The following PCLO variants were observed in gnomAD, a reference collection of about 807,000 sequenced individuals.
PCLO encodes protein piccolo.
PCLO carries 82 observed loss-of-function variants against 427.5 expected under a neutral mutation model. That is an observed-to-expected ratio of 0.19 (90% CI 0.16 to 0.23). PCLO has a LOEUF of 0.23. Among genes scored for constraint, PCLO ranks in the 10% least tolerant of loss-of-function variants. The probability of loss-of-function intolerance (pLI) is 1.00; values close to 1 mark genes in which losing one functional copy is unlikely to be tolerated. For synonymous variants in PCLO, 2,357 were observed against 2,155.4 expected (o/e 1.09, Z -2.59); for missense variants, 6,239 against 6,115.9 (o/e 1.02, Z -0.67).
chr7:83,084,145 T>C (rs2116409546), intron 3 of PCLO, among the ~76,000 whole-genome samples: 1 of 152,250 alleles, frequency 6.6e-6, no homozygotes, highest in South Asian at 2.1e-4. Flanking sequence ...TGAAAGAAAT[T>C]CATACATGAA....
chr7:82,887,199 G>A (rs960328067), intron 9 of PCLO, among the ~76,000 whole-genome samples: 4 of 152,098 alleles, frequency 2.6e-5, no homozygotes, highest in African/African-American at 9.7e-5. Context: ...CTGCTAAGGA[G>A]GGTTAGAAAC....
chr7:82,779,756 T>G (rs1210303476), intron 22 of PCLO, among the ~76,000 whole-genome samples: 2 of 150,874 alleles, frequency 1.3e-5, no homozygotes, highest in Non-Finnish European at 3.0e-5. Context: ...CTTTTTTTTT[T>G]TTTTAGACAG....
In PCLO at chr7:82,956,060, A is replaced by C. The variant is rs773392120; in HGVS notation, c.4893T>G (p.Asp1631Glu). The C allele has an allele frequency of 2.5e-6, 4 of 1,612,514 alleles. No homozygotes were observed. The highest frequency in any genetic ancestry group is 2.7e-5 in the African/African-American group (2 of 74,898). Residue 1631 changes from aspartate to glutamate, a missense_variant, in exon 5 of 25, where the codon GAT (aspartate) becomes GAG (glutamate). Around this residue, in one of 5 missense-constraint regions of PCLO, gnomAD observed 4,677 missense variants for 4,468.4 expected, o/e 1.05. Transcript: ENST00000333891. ...TTTCATCAAATGCTTCATCGTCTTC[A>C]TCATGCCATGAGTGACGTCTTCCTG... ...EDAGRRHSWH[D>E]EDDEAFDESP...
intron 10 of PCLO, among the ~76,000 whole-genome samples, chr7:82,862,191 T>C (rs1160549177): frequency 2.0e-5 from 3 of 151,858 alleles, no homozygotes; most frequent in East Asian, 1.9e-4. Context: ...AACAGATATA[T>C]GAAAAGGTGC....
Position 83,155,563 on chromosome 7 carries a change from T to C in PCLO, c.1078A>G (p.Lys360Glu), listed in dbSNP as rs769721109. The C allele has an allele frequency of 6.2e-7, 1 of 1,612,208 alleles. No individual in the cohort carries two copies. Among genetic ancestry groups the C allele is most frequent in the Non-Finnish European group, 8.5e-7 (1 of 1,179,020 alleles). ...KPPVQPPGTT[K>E]PPAQPLGPAK... ...GGACCAAGAGGCTGAGCTGGAGGCTTTGTTGTCCCTGGTGGCTGGACTGGG... is the reference window on the plus strand; with the variant it reads ...GGACCAAGAGGCTGAGCTGGAGGCTCTGTTGTCCCTGGTGGCTGGACTGGG... Residue 360 changes from lysine (K) to glutamate (E), a missense_variant, in exon 2 of 25, where the codon AAG (lysine) becomes GAG (glutamate). By Grantham distance (56) the Lys-to-Glu change is moderately conservative (BLOSUM62 1). Around this residue, in one of 5 missense-constraint regions of PCLO, gnomAD observed 4,677 missense variants for 4,468.4 expected, o/e 1.05. Coordinates refer to ENST00000333891, the MANE Select transcript of PCLO (RefSeq NM_033026.6).
intron 3 of PCLO, among the ~76,000 whole-genome samples, chr7:83,010,553 A>G (rs897648955): frequency 2.0e-5 from 3 of 150,632 alleles, no homozygotes; most frequent in African/African-American, 7.3e-5. Context: ...TCATATACAA[A>G]TAATTGTATA....
chr7:82,859,216 GC>G (rs894308945), intron 10 of PCLO, among the ~76,000 whole-genome samples: 6 of 152,120 alleles, frequency 3.9e-5, no homozygotes, highest in African/African-American at 1.2e-4. Flanking sequence ...GGCTGGCTTT[GC>G]CACCTGCTAA....
At chr7:83,008,241 T>C (rs2115971135) in intron 3 of PCLO, among the ~76,000 whole-genome samples, 1 of 151,826 alleles carries the variant, frequency 6.6e-6, no homozygotes, top group South Asian at 2.1e-4. Context: ...ATTTTTAATG[T>C]TTTACATTTA....
At chr7:82,820,516 C>CA in intron 20 of PCLO, 3 of 1,221,676 alleles carry the variant, frequency 2.5e-6, no homozygotes, top group Non-Finnish European at 3.1e-6. Flanking sequence ...ATTACACAGG[C>CA]ACTTGGAGAT....
chr7:83,125,445 G>C (rs1285658231), intron 3 of PCLO, among the ~76,000 whole-genome samples: 1 of 152,242 alleles, frequency 6.6e-6, no homozygotes, highest in Admixed American at 6.5e-5. Context: ...TTGTCGAATA[G>C]AAAAGGGGGA....
intron 3 of PCLO, among the ~76,000 whole-genome samples, chr7:83,029,698 C>G (rs1159339429): frequency 1.6e-5 from 2 of 121,348 alleles, no homozygotes; most frequent in Admixed American, 9.2e-5. Context: ...ATAGCAAAGA[C>G]TTGGAACCAA....
intron 9 of PCLO, among the ~76,000 whole-genome samples, chr7:82,882,575 A>G (rs1351359221): frequency 1.3e-5 from 2 of 152,180 alleles, no homozygotes; most frequent in African/African-American, 2.4e-5. Context: ...TAATTTCACA[A>G]TACATAAGCA....
chr7:82,981,351 C>A (rs974884523), intron 3 of PCLO, among the ~76,000 whole-genome samples: 5 of 151,880 alleles, frequency 3.3e-5, no homozygotes, highest in African/African-American at 1.2e-4. Context: ...GCAGGCAGAT[C>A]TTGAAGAATA....
At position 83,162,375 on chromosome 7, in the gene PCLO, G is replaced by T. The variant is rs370346756; in HGVS notation, c.218C>A (p.Pro73Gln). The change falls in exon 1 of 25, where the codon CCG becomes CAG. Residue 73 changes from proline (P) to glutamine (Q), a missense_variant. Pro to Gln is a moderately conservative substitution (Grantham distance 76). This residue lies in a region of PCLO where 4,677 missense variants were observed against 4,468.4 expected (regional missense o/e 1.05). Transcript: ENST00000333891. ...AQGLPKGSVP[P>Q]AAAESPSMHR... ...CATGGAAGGCGACTCCGCAGCGGCCGGGGGGACGCTTCCCTTGGGCAGCCC... is the reference window on the plus strand; with the variant it reads ...CATGGAAGGCGACTCCGCAGCGGCCTGGGGGACGCTTCCCTTGGGCAGCCC... The T allele has an allele frequency of 7.3e-5, 116 of 1,599,544 alleles. No homozygotes were observed. The African/African-American group carries it at 1.2e-3, about 16-fold the overall frequency.
intron 9 of PCLO, chr7:82,894,563 C>A (rs1270472161): frequency 6.6e-6 from 1 of 152,048 alleles, no homozygotes; most frequent in Non-Finnish European, 1.5e-5. Flanking sequence ...GAGAAAAACT[C>A]GCCCCCATGA....
intron 22 of PCLO, among the ~76,000 whole-genome samples, chr7:82,766,438 G>A (rs1259946446): frequency 2.0e-5 from 3 of 151,924 alleles, no homozygotes; most frequent in African/African-American, 7.2e-5. Flanking sequence ...TATCTATCAG[G>A]CACCTCTCAC....
intron 20 of PCLO, among the ~76,000 whole-genome samples, chr7:82,809,085 A>G (rs1382980749): frequency 1.3e-5 from 2 of 151,936 alleles, no homozygotes; most frequent in African/African-American, 2.4e-5. Context: ...CATCAATTCT[A>G]TTAAATTGAG....
At chr7:83,106,835 C>A (rs1584032884) in intron 3 of PCLO, among the ~76,000 whole-genome samples, 3 of 152,048 alleles carry the variant, frequency 2.0e-5, no homozygotes, top group Non-Finnish European at 2.9e-5. Context: ...GGTATAAACA[C>A]CCTTCATTGA....
chr7:83,024,362 C>T (rs1788427379), intron 3 of PCLO, among the ~76,000 whole-genome samples: 1 of 152,186 alleles, frequency 6.6e-6, no homozygotes, highest in African/African-American at 2.4e-5. Context: ...CCTGGAAAAT[C>T]GGGTCACTCC....
Sources: allele counts gnomAD v4.1 joint callset (sites outside exome capture counted in the v4.1 genomes callset), GRCh38; gene constraint gnomAD v4.1.1; regional missense constraint gnomAD v4.1.1; transcripts MANE v1.5; gene names NCBI Gene and HGNC (gene_info 2026-07-23, HGNC 2026-07-21).